The following SPAG9 variants were observed in gnomAD, a reference collection of about 807,000 sequenced individuals.
SPAG9 encodes the protein C-Jun-amino-terminal kinase-interacting protein 4.
A neutral mutation model predicts 166.5 loss-of-function variants in SPAG9; 35 were observed. The ratio of observed to expected loss-of-function variants is 0.21; its 90% CI spans 0.16 to 0.28. The LOEUF (loss-of-function observed/expected upper bound fraction) is 0.28. SPAG9 is among the 10% of genes least tolerant of loss of function. The pLI is 1.00. For missense variants in SPAG9, 1,235 were observed against 1,603.3 expected, an observed-to-expected ratio of 0.77 and a Z score of 3.92; for synonymous variants, 534 against 565.5, an observed-to-expected ratio of 0.94 and a Z score of 0.79.
chr17:50,979,749 A>G lies in SPAG9; in HGVS notation c.3406T>C (p.Leu1136=). Reference sequence around the variant, plus strand: ...ATAAAACGCGTTGGAAGCTTACCTAACATTTTGCTTACATAAGGCTCAATG... The same window carrying G: ...ATAAAACGCGTTGGAAGCTTACCTAGCATTTTGCTTACATAAGGCTCAATG... The part of the protein sequence containing the change: ...VDIEPYVSKM[L]GTGKLGFSFV... Residue 1136 remains leucine (L), a synonymous_variant, in exon 26 of 30, where the codon TTA becomes CTA. Coordinates refer to ENST00000262013, the MANE Select transcript of SPAG9 (RefSeq NM_001130528.3). 6.2e-7 allele frequency: 1 copy of G among 1,606,150 alleles called. No individual in the cohort carries two copies. The highest frequency in any genetic ancestry group is 1.1e-5 in the South Asian group (1 of 90,924).
chr17:51,039,565 T>C (rs2046750528), intron 5 of SPAG9, among the ~76,000 whole-genome samples: 1 of 152,132 alleles, frequency 6.6e-6, no homozygotes, highest in South Asian at 2.1e-4. Context: ...CAGGGTTTTG[T>C]TTTAGAAACT....
chr17:51,045,770 T>C (rs983923904), intron 4 of SPAG9, among the ~76,000 whole-genome samples: 7 of 152,026 alleles, frequency 4.6e-5, no homozygotes, highest in African/African-American at 1.4e-4. Context: ...AGGGTGTAAG[T>C]AGAGTGAGCA....
intron 5 of SPAG9, among the ~76,000 whole-genome samples, chr17:51,035,675 A>G (rs1178059423): frequency 1.3e-5 from 2 of 152,200 alleles, no homozygotes; most frequent in African/African-American, 4.8e-5. Context: ...CTCTGCTAAC[A>G]AGAGCTTCTC....
chr17:51,080,042 C>G (rs2048117878), intron 1 of SPAG9, among the ~76,000 whole-genome samples: 2 of 152,098 alleles, frequency 1.3e-5, no homozygotes, highest in South Asian at 4.2e-4. Context: ...CAATAGAGAA[C>G]AAAAGAATGA....
At position 50,995,461 on chromosome 17, in the gene SPAG9, T is replaced by C; in HGVS notation, c.2041A>G (p.Lys681Glu). Residue 681 changes from lysine (K) to glutamate (E), a missense_variant, in exon 17 of 30, where the codon AAA becomes GAA. This residue lies in a region of SPAG9 where 493 missense variants were observed against 559.4 expected (regional missense o/e 0.88). Transcript: ENST00000262013. The stretch of plus-strand genomic sequence containing the variant: ...GAACTTACCTTCATTGATGTATCTT[T>C]TTCATCCAGAGGTCTGAGATAGACA... ...VPVYLRPLDE[K>E]DTSMKLWCAV... 1 of 1,608,684 alleles carries C rather than the reference T, an allele frequency of 6.2e-7. No homozygotes were observed. The highest frequency in any genetic ancestry group is 8.5e-7 in the Non-Finnish European group (1 of 1,175,404).
Position 50,996,181 on chromosome 17 carries a change from C to T in SPAG9, c.1968+384G>A, listed in dbSNP as rs572598365. 295 of 184,772 alleles carry T rather than the reference C, an allele frequency of 1.6e-3. 2 individuals are homozygous for T. The highest frequency in any genetic ancestry group is 2.4e-3 in the Non-Finnish European group (213 of 88,520). 11.4% of individuals were successfully genotyped at this position (184,772 alleles called of 1,614,324 possible). On this transcript the variant is annotated intron_variant, in intron 16 of 29. Coordinates refer to ENST00000262013, the MANE Select transcript of SPAG9 (RefSeq NM_001130528.3). ...AGTAGACAGATAAAATTCCTGAAGA[C>T]CTGAACTTAATTTTAAATGAACAGT...
intron 21 of SPAG9, among the ~76,000 whole-genome samples, chr17:50,987,724 T>TTTC (rs1975165483): frequency 6.6e-6 from 1 of 152,200 alleles, no homozygotes; most frequent in African/African-American, 2.4e-5. Context: ...TTTGTCATAG[T>TTTC]TTCTTCTCAA....
chr17:51,020,991 A>G lies in SPAG9; in HGVS notation c.991+167T>C, dbSNP rs191072620. Among the ~76,000 whole-genome samples, 14 of 152,216 alleles carry G rather than the reference A, an allele frequency of 9.2e-5. No homozygotes were observed. In the East Asian group the frequency reaches 2.7e-3, roughly 29 times the overall value. ...GGCACAGCTATCATTTTTTTTTCAA[A>G]TATTTTCAATCTACAGATGCAGAAC... On this transcript the variant is annotated intron_variant, in intron 7 of 29. Coordinates refer to ENST00000262013, the MANE Select transcript of SPAG9 (RefSeq NM_001130528.3).
At chr17:51,118,476 GAC>G (rs1426588665) in intron 1 of SPAG9, among the ~76,000 whole-genome samples, 1 of 152,200 alleles carries the variant, frequency 6.6e-6, no homozygotes, top group Non-Finnish European at 1.5e-5. Context: ...TACACGGACT[GAC>G]AGGAGTTTAA....
intron 3 of SPAG9, among the ~76,000 whole-genome samples, chr17:51,047,987 A>T (rs932671088): frequency 3.3e-5 from 5 of 152,148 alleles, no homozygotes; most frequent in Non-Finnish European, 5.9e-5. Flanking sequence ...TTTAATACCA[A>T]GAAAAGTTTC....
intron 4 of SPAG9, among the ~76,000 whole-genome samples, chr17:51,042,896 G>A (rs2046891952): frequency 6.6e-6 from 1 of 152,090 alleles, no homozygotes; most frequent in African/African-American, 2.4e-5. Flanking sequence ...TACAATAAGA[G>A]GGTAGTTTTT....
chr17:51,031,919 G>A (rs1357799595), intron 5 of SPAG9, 197 bp from the exon 6 acceptor site: 5 of 675,012 alleles, frequency 7.4e-6, no homozygotes, highest in African/African-American at 7.1e-5. Flanking sequence ...TAATATCATG[G>A]TTCAGAAGCC....
intron 18 of SPAG9, 48 bp downstream of exon 18, chr17:50,995,009 A>T: frequency 6.8e-7 from 1 of 1,465,742 alleles, no homozygotes; most frequent in South Asian, 1.4e-5. Flanking sequence ...TGAAAGAGTT[A>T]AACTCATAGT....
rs1179286892 is a variant in SPAG9, at chr17:51,021,160, G to C, written c.989C>G (p.Thr330Ser). ...AGTAAAGAACTAGGGTCACTCACCAGTAGATACATTTCTAGTTTCCTGGGC... is the reference window on the plus strand; with the variant it reads ...AGTAAAGAACTAGGGTCACTCACCACTAGATACATTTCTAGTTTCCTGGGC... ...QVAQETRNVS[T>S]GSAENEEKSE... The change falls in exon 7 of 30, where the codon ACT (threonine) becomes AGT (serine). Residue 330 changes from threonine to serine, a missense_variant and splice_region_variant. Physicochemically the swap from Thr to Ser is moderately conservative, Grantham distance 58 (BLOSUM62 1). This residue lies in a region of SPAG9 where 288 missense variants were observed against 323.7 expected (regional missense o/e 0.89). Coordinates refer to ENST00000262013, the MANE Select transcript of SPAG9 (RefSeq NM_001130528.3). The C allele has an allele frequency of 1.9e-6, 3 of 1,612,750 alleles. No homozygotes were observed. Among genetic ancestry groups the C allele is most frequent in the Admixed American group, 1.7e-5 (1 of 60,004 alleles).
intron 12 of SPAG9, among the ~76,000 whole-genome samples, chr17:51,004,985 G>GT (rs2045139462): frequency 6.6e-6 from 1 of 152,122 alleles, no homozygotes; most frequent in South Asian, 2.1e-4. Context: ...GCAACTACAG[G>GT]TAAGAGCACA....
At position 51,074,782 on chromosome 17, in the gene SPAG9, A is replaced by G. The variant is rs1220704564; in HGVS notation, c.424+4802T>C. On this transcript the variant is annotated intron_variant, in intron 2 of 29. Transcript: ENST00000262013. ...TGGAGAGAGGAATGAGAAGATGGATACCACAGAATATGACAATTCCAAAAA... is the reference window on the plus strand; with the variant it reads ...TGGAGAGAGGAATGAGAAGATGGATGCCACAGAATATGACAATTCCAAAAA... Among the ~76,000 whole-genome samples the G allele has an allele frequency of 3.9e-5, 6 of 152,196 alleles. No homozygotes were observed. In the East Asian group the frequency reaches 1.2e-3, roughly 29 times the overall value.
chr17:51,089,663 T>TATATATATATATATAC (rs1403230293), intron 1 of SPAG9, among the ~76,000 whole-genome samples: 1 of 78,296 alleles, frequency 1.3e-5, no homozygotes, highest in Non-Finnish European at 2.6e-5. Flanking sequence ...TATATATATA[T>TATATATATATATATAC]ACACATACAC....
At chr17:51,041,803 A>G in intron 4 of SPAG9, 152 bp from the exon 5 acceptor site, 1 of 725,136 alleles carries the variant, frequency 1.4e-6, no homozygotes, top group Non-Finnish European at 2.3e-6. Flanking sequence ...GACTTACCAA[A>G]GAGGAAGGAC....
intron 2 of SPAG9, among the ~76,000 whole-genome samples, chr17:51,077,387 G>T (rs1333472817): frequency 6.6e-6 from 1 of 151,952 alleles, no homozygotes; most frequent in Non-Finnish European, 1.5e-5. Context: ...CTCCCAAAGT[G>T]CTGGGATTAC....
Sources: gnomAD v4.1 joint callset for allele counts (sites outside exome capture counted in the v4.1 genomes callset) on GRCh38, gnomAD v4.1.1 for gene constraint, gnomAD v4.1.1 regional missense constraint, MANE v1.5 for transcripts, NCBI Gene and HGNC (gene_info 2026-07-23, HGNC 2026-07-21) for gene names.